The following CFAP20DC variants were observed in gnomAD, a reference collection of about 807,000 sequenced individuals.
CFAP20DC encodes the protein protein CFAP20DC.
A neutral mutation model predicts 101.7 loss-of-function variants in CFAP20DC; 84 were observed. That is an observed-to-expected ratio of 0.83 (90% CI 0.69 to 0.99). CFAP20DC has a LOEUF of 0.99. Ranked by LOEUF, CFAP20DC falls within the 50% of genes least tolerant of loss-of-function variation. The pLI is 0.00. For missense variants in CFAP20DC, 1,007 were observed against 970.3 expected (o/e 1.04, Z -0.50); for synonymous variants, 359 against 351.2 (o/e 1.02, Z -0.25).
chr3:58,756,685 C>T (rs1431347546), intron 15 of CFAP20DC, among the ~76,000 whole-genome samples: 3 of 152,058 alleles, frequency 2.0e-5, no homozygotes, highest in Non-Finnish European at 4.4e-5. Context: ...CTACTCTATT[C>T]CTACCCTCAC....
intron 7 of CFAP20DC, among the ~76,000 whole-genome samples, chr3:58,883,277 T>C (rs2081358866): frequency 6.6e-6 from 1 of 152,198 alleles, no homozygotes; most frequent in South Asian, 2.1e-4. Flanking sequence ...ATTTTAAGCC[T>C]GGATTGCTGC....
chr3:58,903,542 T>C (rs1346400181), intron 6 of CFAP20DC, among the ~76,000 whole-genome samples: 4 of 152,214 alleles, frequency 2.6e-5, no homozygotes, highest in Admixed American at 6.5e-5. Flanking sequence ...CAGTTCTGCA[T>C]GGCTGACAAG....
rs140802210 is a variant in CFAP20DC at position 58,928,655 on chromosome 3, TTGA to T, written c.393+8990_393+8992del. Among the ~76,000 whole-genome samples, 120 of 152,326 alleles carry T rather than the reference TTGA, an allele frequency of 7.9e-4. No homozygotes were observed. In the East Asian group the frequency reaches 0.02, roughly 25 times the overall value. On this transcript the variant is annotated intron_variant, in intron 5 of 16. Transcript: ENST00000482387. ...AGAACATATTATGAGTAATTATGAC[TTGA>T]TGATCTCACTGCATTGGCATATGGG...
chr3:58,985,884 G>A (rs900608967), intron 4 of CFAP20DC, among the ~76,000 whole-genome samples: 6 of 151,976 alleles, frequency 3.9e-5, no homozygotes, highest in African/African-American at 9.7e-5. Flanking sequence ...ATTCATCTTT[G>A]TATCGCCAGG....
Position 58,914,864 on chromosome 3 carries a change from C to T in CFAP20DC, c.394-1000G>A, listed in dbSNP as rs2084514133. The T allele has an allele frequency of 6.6e-6, 1 of 151,934 alleles. No homozygotes were observed. The highest frequency in any genetic ancestry group is 1.5e-5 in the Non-Finnish European group (1 of 67,982). 9.4% of individuals were successfully genotyped at this position (151,934 alleles called of 1,614,324 possible). ...TGTAGATGTCTCAACAGTAAAATTACATTTGCAGGCTGTGGCAACGCTCTG... is the reference window on the plus strand; with the variant it reads ...TGTAGATGTCTCAACAGTAAAATTATATTTGCAGGCTGTGGCAACGCTCTG... On this transcript the variant is annotated intron_variant, in intron 5 of 16. Transcript: ENST00000482387. This position sits in a 1 kb window ranked among gnomAD's most constrained non-coding sequence, Gnocchi z 4.9.
Position 58,912,618 on chromosome 3 carries a change from T to G in CFAP20DC, c.550+1090A>C, listed in dbSNP as rs916351754. On this transcript the variant is annotated intron_variant, in intron 6 of 16. Transcript: ENST00000482387. The surrounding 1 kb of genome is among the most constrained non-coding windows in gnomAD (Gnocchi z 4.4). ...TCCTGGACTTCTAGAAGAATTGATT[T>G]AACAAATAATAATCCCAGATGAAAA... The G allele has an allele frequency of 9.6e-6, 4 of 417,960 alleles. No homozygotes were observed. In the Admixed American group the frequency reaches 1.2e-4, roughly 12 times the overall value. 25.9% of individuals were successfully genotyped at this position (417,960 alleles called of 1,614,324 possible). A position where few individuals can be genotyped will look rare whatever the true frequency, so the allele number is the denominator to read the frequency against.
At chr3:58,908,384 A>G (rs1301534385) in intron 6 of CFAP20DC, among the ~76,000 whole-genome samples, 1 of 152,096 alleles carries the variant, frequency 6.6e-6, no homozygotes, top group Non-Finnish European at 1.5e-5. Context: ...TTCTAATATG[A>G]TTTTTCATAA....
chr3:59,045,594 G>A (rs1199260507), intron 3 of CFAP20DC, among the ~76,000 whole-genome samples: 1 of 151,968 alleles, frequency 6.6e-6, no homozygotes, highest in Non-Finnish European at 1.5e-5. Context: ...TTATCTCTCA[G>A]GGTTTCTTCT....
Position 58,963,189 on chromosome 3 carries a change from T to TG in CFAP20DC, c.279-25428_279-25427insC, listed in dbSNP as rs1491413426. Among the ~76,000 whole-genome samples, 226 of 140,984 alleles carry TG rather than the reference T, an allele frequency of 1.6e-3. 1 individual carries two copies. The highest frequency in any genetic ancestry group is 4.2e-3 in the South Asian group (18 of 4,268). The allele number at this position is 140,984 out of a possible 152,430, so 92.5% of individuals were successfully genotyped here. A position where few individuals can be genotyped will look rare whatever the true frequency, so the allele number is the denominator to read the frequency against. On this transcript the variant is annotated intron_variant, in intron 4 of 16. Coordinates refer to ENST00000482387, the MANE Select transcript of CFAP20DC (RefSeq NM_001394063.1). ...CATACTTCTTCTCAAGGTTCAGTAG[T>TG]TTGTGTGTGTGTGTGTGTGTGTGTG...
chr3:58,809,267 C>T (rs970896900), intron 14 of CFAP20DC, among the ~76,000 whole-genome samples: 1 of 151,988 alleles, frequency 6.6e-6, no homozygotes, highest in Non-Finnish European at 1.5e-5. Context: ...CAGCACCACA[C>T]CACACCTATT....
chr3:58,830,729 G>A (rs1456182459), intron 14 of CFAP20DC, among the ~76,000 whole-genome samples: 1 of 151,818 alleles, frequency 6.6e-6, no homozygotes, highest in East Asian at 1.9e-4. Context: ...TTTACTTTTG[G>A]ATGAAAGTAT....
Position 58,869,591 on chromosome 3 carries a change from GA to G in CFAP20DC, c.853-102del. On this transcript the variant is annotated intron_variant, in intron 8 of 16. Transcript: ENST00000482387. This position sits in a 1 kb window ranked among gnomAD's most constrained non-coding sequence, Gnocchi z 4.3. ...TAATATTTGGACCAATGAAGAGTGA[GA>G]AAAAAACTAGAGGAAATGAGGTTAA... The G allele has an allele frequency of 3.5e-6, 3 of 852,016 alleles. No individual in the cohort carries two copies. The highest frequency in any genetic ancestry group is 5.1e-6 in the Non-Finnish European group (3 of 593,292). The allele number at this position is 852,016 out of a possible 1,614,324, so 52.8% of individuals were successfully genotyped here.
intron 14 of CFAP20DC, among the ~76,000 whole-genome samples, chr3:58,808,953 C>T (rs2074362452): frequency 6.6e-6 from 1 of 151,872 alleles, no homozygotes; most frequent in Admixed American, 6.6e-5. Flanking sequence ...CAACAAAGAT[C>T]AAAAGAGACA....
rs918759413 is a variant in CFAP20DC at position 59,049,788 on chromosome 3, C to A, written c.-157G>T. On this transcript the variant is annotated 5_prime_UTR_variant, in exon 1 of 17. Coordinates refer to ENST00000482387, the MANE Select transcript of CFAP20DC (RefSeq NM_001394063.1). Reference sequence around the variant, plus strand: ...CCAGACTTGGGCAGGCTCTTCTCAGCCCCTCCGGCCCCTGGTCAGCTCCAT... The same window carrying A: ...CCAGACTTGGGCAGGCTCTTCTCAGACCCTCCGGCCCCTGGTCAGCTCCAT... The A allele has an allele frequency of 2.7e-5, 21 of 790,124 alleles. No individual in the cohort carries two copies. Among genetic ancestry groups the A allele is most frequent in the Admixed American group, 5.7e-5 (2 of 35,104 alleles). The allele number at this position is 790,124 out of a possible 1,614,324, so 48.9% of individuals were successfully genotyped here. A position where few individuals can be genotyped will look rare whatever the true frequency, so the allele number is the denominator to read the frequency against.
chr3:59,031,266 CA>C (rs2109092584), intron 4 of CFAP20DC, among the ~76,000 whole-genome samples: 1 of 152,226 alleles, frequency 6.6e-6, no homozygotes, highest in Admixed American at 6.5e-5. Context: ...AAGGTTCAGC[CA>C]AATGTCTTGT....
At chr3:58,915,987 C>T (rs966569620) in intron 5 of CFAP20DC, among the ~76,000 whole-genome samples, 1 of 152,056 alleles carries the variant, frequency 6.6e-6, no homozygotes, top group Non-Finnish European at 1.5e-5. Context: ...CTCTCATTTG[C>T]TCTCATTTTT....
chr3:58,890,776 C>A (rs1435949618), intron 6 of CFAP20DC, among the ~76,000 whole-genome samples: 1 of 150,510 alleles, frequency 6.6e-6, no homozygotes, highest in Non-Finnish European at 1.5e-5. Context: ...GCGCTCCTCA[C>A]ATCCCAGATG....
intron 7 of CFAP20DC, among the ~76,000 whole-genome samples, chr3:58,876,763 A>AT (rs1289064132): frequency 6.6e-6 from 1 of 152,186 alleles, no homozygotes; most frequent in East Asian, 1.9e-4. Context: ...AACCTGTTGA[A>AT]TTTTCATATC....
At chr3:58,945,554 A>C (rs936337596) in intron 4 of CFAP20DC, among the ~76,000 whole-genome samples, 2 of 152,166 alleles carry the variant, frequency 1.3e-5, no homozygotes, top group South Asian at 4.1e-4. Context: ...GGGTAACCTC[A>C]TACCTCACAA....
Sources: gnomAD v4.1 joint callset for allele counts (sites outside exome capture counted in the v4.1 genomes callset) on GRCh38, gnomAD v4.1.1 for gene constraint, Gnocchi (gnomAD v3.1) non-coding constraint, MANE v1.5 for transcripts, NCBI Gene and HGNC (gene_info 2026-07-23, HGNC 2026-07-21) for gene names.